The following SOD2 variants were observed in gnomAD, a reference collection of about 807,000 sequenced individuals.
The protein encoded by SOD2 is superoxide dismutase 2.
SOD2 carries 11 observed loss-of-function variants against 27.0 expected under a neutral mutation model. The ratio of observed to expected loss-of-function variants is 0.41; its 90% CI spans 0.26 to 0.67. SOD2 has a LOEUF of 0.67. SOD2 is among the 30% of genes least tolerant of loss of function. SOD2 has a pLI of 0.34. For synonymous variants in SOD2, 105 were observed against 103.0 expected (o/e 1.02, Z -0.12); for missense variants, 250 against 274.5 (o/e 0.91, Z 0.63).
chr6:159,743,331 G>A (rs903659273), intron 1 of SOD2, among the ~76,000 whole-genome samples: 3 of 152,238 alleles, frequency 2.0e-5, no homozygotes, highest in Non-Finnish European at 4.4e-5. Context: ...ACAGGCGTGA[G>A]CCTCTGTGCC....
rs573903662 is a variant in SOD2, at chr6:159,712,359, A to AC, written c.-116+14769_-116+14770insG. Among the ~76,000 whole-genome samples, 85 of 124,914 alleles carry AC rather than the reference A, an allele frequency of 6.8e-4. 1 individual carries two copies. Among genetic ancestry groups the AC allele is most frequent in the African/African-American group, 9.5e-4 (30 of 31,648 alleles). 81.9% of individuals were successfully genotyped at this position (124,914 alleles called of 152,430 possible). A position where few individuals can be genotyped will look rare whatever the true frequency, so the allele number is the denominator to read the frequency against. Reference sequence around the variant, plus strand: ...CTAACCACCTCCATAACCACCACTCAGCTGCTCTGACCTCCATAACCACCT... The same window carrying AC: ...CTAACCACCTCCATAACCACCACTCACGCTGCTCTGACCTCCATAACCACCT... On this transcript the variant is annotated intron_variant, in intron 1 of 2. Coordinates refer to the SOD2 transcript ENST00000401980.
chr6:159,713,050 G>A (rs1484066178), intron 1 of SOD2: 6 of 648,898 alleles, frequency 9.2e-6, no homozygotes, highest in African/African-American at 3.7e-5. Context: ...ATTTCAATAT[G>A]TACTCTCATG....
intron 1 of SOD2, among the ~76,000 whole-genome samples, chr6:159,736,914 A>C (rs1487618651): frequency 6.6e-6 from 1 of 152,210 alleles, no homozygotes; most frequent in African/African-American, 2.4e-5. Flanking sequence ...AAAGCTTACT[A>C]AACTTAATAT....
chr6:159,725,337 AG>A (rs1180474499), intron 1 of SOD2, among the ~76,000 whole-genome samples: 1 of 151,976 alleles, frequency 6.6e-6, no homozygotes, highest in Non-Finnish European at 1.5e-5. Context: ...AAAAATCAGC[AG>A]GGGATGGTGG....
chr6:159,721,472 A>T (rs2114838895), intron 1 of SOD2, among the ~76,000 whole-genome samples: 1 of 150,410 alleles, frequency 6.6e-6, no homozygotes, highest in Middle Eastern at 3.5e-3. Flanking sequence ...GGGTTCAAGC[A>T]ATTCTCCTGC....
upstream of SOD2, among the ~76,000 whole-genome samples, chr6:159,698,134 G>A (rs1457216572): frequency 2.6e-5 from 4 of 152,212 alleles, no homozygotes; most frequent in African/African-American, 4.8e-5. Context: ...TTAGCTAGGC[G>A]TGGTGGCACG....
chr6:159,720,461 G>T (rs1291208418), intron 1 of SOD2: 3 of 153,004 alleles, frequency 2.0e-5, no homozygotes, highest in South Asian at 1.8e-4. Context: ...AGTTGATTTC[G>T]GTGTGTTGTG....
intron 1 of SOD2, among the ~76,000 whole-genome samples, chr6:159,722,190 C>T (rs1489726110): frequency 6.6e-6 from 1 of 151,976 alleles, no homozygotes; most frequent in African/African-American, 2.4e-5. Context: ...CCAGCCTGGG[C>T]AACATAGCAA....
chr6:159,686,099 T>C (rs1583009471), intron 3 of SOD2, among the ~76,000 whole-genome samples: 1 of 152,324 alleles, frequency 6.6e-6, no homozygotes. Context: ...GTAATCCTTT[T>C]ATTCTGTAGT....
chr6:159,749,830 C>T (rs1222154312), upstream of SOD2, among the ~76,000 whole-genome samples: 2 of 152,170 alleles, frequency 1.3e-5, no homozygotes, highest in Non-Finnish European at 2.9e-5. Flanking sequence ...TTCATGCTTC[C>T]ATCCAATCCT....
intron 1 of SOD2, among the ~76,000 whole-genome samples, chr6:159,754,016 G>A (rs1216780217): frequency 1.3e-5 from 2 of 152,150 alleles, no homozygotes; most frequent in East Asian, 1.9e-4. Context: ...AAAGTTGATT[G>A]TATCTGTGAA....
Position 159,677,251 on chromosome 6 carries a change from T to C in SOD2, c.*5242A>G, listed in dbSNP as rs2758329. 0.45 allele frequency: 68,868 copies of C among 151,976 alleles called. 16,072 individuals carry two copies. Among genetic ancestry groups the C allele is most frequent in the Admixed American group, 0.5 (7,687 of 15,256 alleles). The allele number at this position is 151,976 out of a possible 1,614,324, so 9.4% of individuals were successfully genotyped here. A position where few individuals can be genotyped will look rare whatever the true frequency, so the allele number is the denominator to read the frequency against. ...ACACTGAAAGATGACTAGCATGTCA[T>C]AGGAACTTGAAAGCATTCGTGCTCC... On this transcript the variant is annotated 3_prime_UTR_variant, in exon 5 of 5. Coordinates refer to ENST00000538183, the MANE Select transcript of SOD2 (RefSeq NM_000636.4).
At chr6:159,745,063 C>G (rs1160379636) in intron 1 of SOD2, 1 of 152,202 alleles carries the variant, frequency 6.6e-6, no homozygotes, top group Non-Finnish European at 1.5e-5. Context: ...ACCACTGATA[C>G]TTCTTTCTCC....
intron 1 of SOD2, among the ~76,000 whole-genome samples, chr6:159,739,238 A>G (rs533034068): frequency 6.6e-6 from 1 of 152,222 alleles, no homozygotes; most frequent in Non-Finnish European, 1.5e-5. Flanking sequence ...TTAAAGAACT[A>G]CTAGGAAGCT....
At chr6:159,693,316 C>A, upstream of SOD2, 1 of 419,880 alleles carries the variant, frequency 2.4e-6, no homozygotes, top group Non-Finnish European at 3.8e-6. Context: ...GCCGCAAGGG[C>A]ACCGCCGCCC....
intron 1 of SOD2, among the ~76,000 whole-genome samples, chr6:159,718,535 T>C (rs1404972509): frequency 6.6e-6 from 1 of 152,172 alleles, no homozygotes; most frequent in African/African-American, 2.4e-5. Context: ...GCAGAGAAAA[T>C]GAAGACTAAA....
rs56389349 is a variant in SOD2 at position 159,739,824 on chromosome 6, C to CTTT, written c.-116+5303_-116+5305dup. Among the ~76,000 whole-genome samples, 123 of 85,186 alleles carry CTTT rather than the reference C, an allele frequency of 1.4e-3. 3 individuals are homozygous for CTTT. The highest frequency in any genetic ancestry group is 2.3e-3 in the East Asian group (5 of 2,152). The allele number at this position is 85,186 out of a possible 152,430, so 55.9% of individuals were successfully genotyped here. A position where few individuals can be genotyped will look rare whatever the true frequency, so the allele number is the denominator to read the frequency against. ...ACTGTATTATGAACACACTTTTTAC[C>CTTT]TTTTTTTTTTTTTTTTTTTTTTTTT... On this transcript the variant is annotated intron_variant, in intron 1 of 3. Coordinates refer to the SOD2 transcript ENST00000537657.
At chr6:159,715,914 A>T (rs980981302) in intron 1 of SOD2, among the ~76,000 whole-genome samples, 1 of 152,114 alleles carries the variant, frequency 6.6e-6, no homozygotes, top group Non-Finnish European at 1.5e-5. Flanking sequence ...AAAAAAAAAA[A>T]AAAAAAGTTC....
chr6:159,755,765 CTTTTTTTTTTTTTTT>C lies in SOD2; in HGVS notation c.-336+5257_-336+5271del. 14 of 173,378 alleles carry C rather than the reference CTTTTTTTTTTTTTTT, an allele frequency of 8.1e-5. No individual in the cohort carries two copies. In the Admixed American group the frequency reaches 9.8e-4, roughly 12 times the overall value. The allele number at this position is 173,378 out of a possible 1,614,324, so 10.7% of individuals were successfully genotyped here. A position where few individuals can be genotyped will look rare whatever the true frequency, so the allele number is the denominator to read the frequency against. On this transcript the variant is annotated intron_variant, in intron 1 of 7. Coordinates refer to the SOD2 transcript ENST00000546087. Reference sequence around the variant, plus strand: ...TTTTTCTTTGTTTTTTTTTTCTTTTCTTTTTTTTTTTTTTTTTTTTTTTTTGCTTCAATACTTCTG... The same window carrying C: ...TTTTTCTTTGTTTTTTTTTTCTTTTCTTTTTTTTTTGCTTCAATACTTCTG...
Sources: allele counts gnomAD v4.1 joint callset (sites outside exome capture counted in the v4.1 genomes callset), GRCh38; gene constraint gnomAD v4.1.1; transcripts MANE v1.5; gene names NCBI Gene and HGNC (gene_info 2026-07-23, HGNC 2026-07-21).